ERBB4: variants seen among roughly 807,000 people sequenced by gnomAD.
ERBB4 encodes the protein receptor tyrosine-protein kinase erbB-4.
A neutral mutation model predicts 158.0 loss-of-function variants in ERBB4; 42 were observed. The observed-to-expected ratio is 0.27, with a 90% CI of 0.21 to 0.34. ERBB4 has a LOEUF of 0.34. Among genes scored for constraint, ERBB4 ranks in the 10% least tolerant of loss-of-function variants. The pLI is 1.00. For missense variants in ERBB4, 1,333 were observed against 1,624.1 expected, an observed-to-expected ratio of 0.82 and a Z score of 3.08; for synonymous variants, 583 against 558.7, an observed-to-expected ratio of 1.04 and a Z score of -0.61.
chr2:212,498,149 C>T (rs1456851547), intron 1 of ERBB4, among the ~76,000 whole-genome samples: 4 of 151,418 alleles, frequency 2.6e-5, no homozygotes, highest in African/African-American at 7.3e-5. Flanking sequence ...TGTGCACAGC[C>T]GTGTACACAA....
intron 23 of ERBB4, among the ~76,000 whole-genome samples, chr2:211,422,520 G>T (rs952117208): frequency 6.6e-6 from 1 of 150,408 alleles, no homozygotes; most frequent in Non-Finnish European, 1.5e-5. Flanking sequence ...AATGCAAAGT[G>T]ATTGGTAATG....
chr2:212,342,730 T>C (rs966291087), intron 1 of ERBB4, among the ~76,000 whole-genome samples: 1 of 152,214 alleles, frequency 6.6e-6, no homozygotes, highest in Non-Finnish European at 1.5e-5. Flanking sequence ...CTCCATTTTT[T>C]ACAACTTTAC....
intron 1 of ERBB4, among the ~76,000 whole-genome samples, chr2:212,490,436 C>T (rs1040251922): frequency 6.6e-6 from 1 of 151,648 alleles, no homozygotes; most frequent in African/African-American, 2.4e-5. Flanking sequence ...GTTCTTTTCC[C>T]CTTGTATTCT....
At chr2:212,157,099 T>C (rs1333017340) in intron 1 of ERBB4, among the ~76,000 whole-genome samples, 1 of 152,112 alleles carries the variant, frequency 6.6e-6, no homozygotes, top group Non-Finnish European at 1.5e-5. Context: ...ACCATACTTC[T>C]TAAAATGGCA....
At chr2:212,102,090 T>TTTTATATATATATA (rs1553558604) in intron 2 of ERBB4, among the ~76,000 whole-genome samples, 1 of 107,976 alleles carries the variant, frequency 9.3e-6, no homozygotes, top group Non-Finnish European at 2.1e-5. Context: ...AAAATTTATT[T>TTTTATATATATATA]TATATATATA....
intron 4 of ERBB4, among the ~76,000 whole-genome samples, chr2:211,774,176 G>A (rs78212953): frequency 6.6e-6 from 1 of 151,310 alleles, no homozygotes; most frequent in Non-Finnish European, 1.5e-5. Flanking sequence ...GGGTTCAAAC[G>A]ATTCTTCCAC....
chr2:211,497,645 A>T (rs2065502893), intron 20 of ERBB4, among the ~76,000 whole-genome samples: 1 of 152,156 alleles, frequency 6.6e-6, no homozygotes, highest in African/African-American at 2.4e-5. Flanking sequence ...TTAAGGCAAG[A>T]AAAATTGACA....
At position 211,380,612 on chromosome 2, in the gene ERBB4, A is replaced by C. The variant is rs1252899671; in HGVS notation, c.*3003T>G. The stretch of plus-strand genomic sequence containing the variant: ...GAAACTTTTTTTCTCCCTCTTATAC[A>C]TGCTGAAATATGTTTTCCCAGGGGG... On this transcript the variant is annotated 3_prime_UTR_variant, in exon 28 of 28. Transcript: ENST00000342788. The C allele has an allele frequency of 8.6e-6, 2 of 231,806 alleles. No homozygotes were observed. The highest frequency in any genetic ancestry group is 1.2e-4 in the East Asian group (2 of 16,374). 14.4% of individuals were successfully genotyped at this position (231,806 alleles called of 1,614,324 possible).
chr2:212,437,003 A>T (rs145394244), intron 1 of ERBB4, among the ~76,000 whole-genome samples: 1 of 152,108 alleles, frequency 6.6e-6, no homozygotes, highest in Non-Finnish European at 1.5e-5. Flanking sequence ...CAAGAGAGTA[A>T]GGCTAGAGAT....
chr2:212,347,622 G>A (rs2106333708), intron 1 of ERBB4, among the ~76,000 whole-genome samples: 1 of 152,130 alleles, frequency 6.6e-6, no homozygotes, highest in Admixed American at 6.5e-5. Flanking sequence ...CTAAAATTTT[G>A]GAATATTTGC....
At chr2:211,808,475 C>G (rs1436587830) in intron 3 of ERBB4, among the ~76,000 whole-genome samples, 2 of 151,858 alleles carry the variant, frequency 1.3e-5, no homozygotes, top group African/African-American at 4.8e-5. Flanking sequence ...CTGTTCTGTT[C>G]CATTGGTCTA....
intron 1 of ERBB4, among the ~76,000 whole-genome samples, chr2:212,484,018 G>C (rs1196191016): frequency 1.3e-5 from 2 of 152,150 alleles, no homozygotes; most frequent in Admixed American, 1.3e-4. Flanking sequence ...TTACAGGCAT[G>C]AGCCACCGCG....
At chr2:212,318,693 C>G (rs923826458) in intron 1 of ERBB4, among the ~76,000 whole-genome samples, 2 of 151,454 alleles carry the variant, frequency 1.3e-5, no homozygotes, top group African/African-American at 4.8e-5. Flanking sequence ...TGCCTAAAAC[C>G]CAAGTAGATT....
At chr2:211,838,003 TG>T (rs2077379700) in intron 3 of ERBB4, among the ~76,000 whole-genome samples, 1 of 151,960 alleles carries the variant, frequency 6.6e-6, no homozygotes, top group Non-Finnish European at 1.5e-5. Flanking sequence ...AATGCCAAAG[TG>T]GACTGCTTGG....
chr2:211,671,867 T>C (rs2071855284), intron 14 of ERBB4, among the ~76,000 whole-genome samples: 1 of 152,144 alleles, frequency 6.6e-6, no homozygotes, highest in African/African-American at 2.4e-5. Context: ...TCTCACACTG[T>C]TAGTTAATTG....
intron 16 of ERBB4, among the ~76,000 whole-genome samples, chr2:211,635,257 T>G (rs2070315372): frequency 6.6e-6 from 1 of 152,180 alleles, no homozygotes; most frequent in Non-Finnish European, 1.5e-5. Context: ...GAAACTGATA[T>G]CCTCCCACTA....
intron 19 of ERBB4, among the ~76,000 whole-genome samples, chr2:211,588,773 T>A (rs1202591357): frequency 6.6e-6 from 1 of 152,052 alleles, no homozygotes; most frequent in Non-Finnish European, 1.5e-5. Context: ...GAAAATCACA[T>A]GATATATACT....
intron 1 of ERBB4, among the ~76,000 whole-genome samples, chr2:212,435,378 A>C (rs915353386): frequency 6.6e-6 from 1 of 152,012 alleles, no homozygotes; most frequent in African/African-American, 2.4e-5. Context: ...CTTGATGTTA[A>C]ATTTTGGACA....
At chr2:211,891,440 C>A (rs2078966125) in intron 3 of ERBB4, among the ~76,000 whole-genome samples, 1 of 109,822 alleles carries the variant, frequency 9.1e-6, no homozygotes, top group South Asian at 3.1e-4. Flanking sequence ...ACTAAATGCC[C>A]ACAAGAGAAA....
Sources: allele counts gnomAD v4.1 joint callset (sites outside exome capture counted in the v4.1 genomes callset), GRCh38; gene constraint gnomAD v4.1.1; transcripts MANE v1.5; gene names NCBI Gene and HGNC (gene_info 2026-07-23, HGNC 2026-07-21).